Variants in FARP2 observed in about 807,000 individuals in gnomAD.
The protein encoded by FARP2 is FERM, ARHGEF and pleckstrin domain-containing protein 2.
In FARP2, 111 loss-of-function variants were observed where a neutral mutation model predicts 130.5. The observed-to-expected ratio is 0.85, with a 90% CI of 0.73 to 1.00. The LOEUF (loss-of-function observed/expected upper bound fraction) is 1.00, where lower values mean the gene tolerates loss of function less well. Ranked by LOEUF, FARP2 falls within the 50% of genes least tolerant of loss-of-function variation. The pLI, the probability that FARP2 is intolerant of heterozygous loss-of-function variation, is 0.00. For synonymous variants in FARP2, 504 were observed against 516.9 expected (o/e 0.98, Z 0.34); for missense variants, 1,385 against 1,346.3 (o/e 1.03, Z -0.45).
At chr2:241,479,044 A>G in intron 19 of FARP2, 2 of 544,320 alleles carry the variant, frequency 3.7e-6, no homozygotes, top group South Asian at 5.1e-5. Flanking sequence ...CCCAAGATGC[A>G]ATGAACTACC....
intron 2 of FARP2, among the ~76,000 whole-genome samples, chr2:241,373,717 A>G (rs2061475078): frequency 6.6e-6 from 1 of 152,202 alleles, no homozygotes; most frequent in South Asian, 2.1e-4. Flanking sequence ...CCTCTTTCTC[A>G]GAGCTGCTGG....
intron 1 of FARP2, among the ~76,000 whole-genome samples, chr2:241,358,622 T>C (rs760197221): frequency 6.6e-6 from 1 of 152,232 alleles, no homozygotes; most frequent in Non-Finnish European, 1.5e-5. Context: ...TCATATCAGC[T>C]TGCCAGCTTC....
intron 8 of FARP2, among the ~76,000 whole-genome samples, chr2:241,419,561 A>G (rs1210489908): frequency 6.6e-6 from 1 of 152,194 alleles, no homozygotes; most frequent in Admixed American, 6.5e-5. Flanking sequence ...AGAACAAAGA[A>G]TGGGAAAACA....
At position 241,419,511 on chromosome 2, in the gene FARP2, A is replaced by C. The variant is rs561063590; in HGVS notation, c.771+1402A>C. Among the ~76,000 whole-genome samples the C allele has an allele frequency of 2.6e-5, 4 of 152,366 alleles. No individual in the cohort carries two copies. In the East Asian group the frequency reaches 7.7e-4, roughly 29 times the overall value. On this transcript the variant is annotated intron_variant, in intron 8 of 26. Coordinates refer to ENST00000264042, the MANE Select transcript of FARP2 (RefSeq NM_014808.4). Reference sequence around the variant, plus strand: ...TTTATTCCCTCAAAACCCTGAACACAATGACAGTTGAAGGAATTTTTTAAA... The same window carrying C: ...TTTATTCCCTCAAAACCCTGAACACCATGACAGTTGAAGGAATTTTTTAAA...
intron 13 of FARP2, among the ~76,000 whole-genome samples, chr2:241,449,626 G>A (rs935803751): frequency 2.0e-5 from 3 of 152,136 alleles, no homozygotes; most frequent in African/African-American, 7.2e-5. Flanking sequence ...AATTAACATT[G>A]TGATTTTTAA....
At chr2:241,383,684 C>A (rs1161329552) in intron 2 of FARP2, among the ~76,000 whole-genome samples, 2 of 152,010 alleles carry the variant, frequency 1.3e-5, no homozygotes, top group Admixed American at 1.3e-4. Context: ...GTAGTGAGAA[C>A]CAGTTGCATC....
rs112731290 is a variant in FARP2 at position 241,459,847 on chromosome 2, G to A, written c.1588-2676G>A. On this transcript the variant is annotated intron_variant, in intron 14 of 26. Transcript: ENST00000264042. The surrounding 1 kb of genome is among the most constrained non-coding windows in gnomAD (Gnocchi z 5.3). The stretch of plus-strand genomic sequence containing the variant: ...GGCGGGGCGGGGGCAGGGGCGGGAC[G>A]GAAGACCCTTCTCTTGGCCAGTCTG... Among the ~76,000 whole-genome samples the A allele has an allele frequency of 3.3e-5, 5 of 151,952 alleles. No homozygotes were observed. Among genetic ancestry groups the A allele is most frequent in the Admixed American group, 6.6e-5 (1 of 15,262 alleles).
intron 7 of FARP2, among the ~76,000 whole-genome samples, chr2:241,416,994 A>G (rs1485999100): frequency 6.6e-6 from 1 of 151,734 alleles, no homozygotes; most frequent in Non-Finnish European, 1.5e-5. Flanking sequence ...ATAGTAAAAA[A>G]TATTTTTTAA....
chr2:241,392,879 G>A (rs976524249), intron 2 of FARP2, among the ~76,000 whole-genome samples: 2 of 150,974 alleles, frequency 1.3e-5, no homozygotes, highest in Non-Finnish European at 1.5e-5. Flanking sequence ...GGAGGCAGAA[G>A]TTGCAGTGAG....
chr2:241,391,701 G>A (rs1186063708), intron 2 of FARP2, among the ~76,000 whole-genome samples: 2 of 152,120 alleles, frequency 1.3e-5, no homozygotes, highest in African/African-American at 2.4e-5. Context: ...TCATCTGGTC[G>A]TGCAGAGCTT....
intron 8 of FARP2, among the ~76,000 whole-genome samples, chr2:241,419,779 A>C (rs549073481): frequency 6.6e-6 from 1 of 152,344 alleles, no homozygotes; most frequent in African/African-American, 2.4e-5. Context: ...TCAGAAATGT[A>C]AAATTTTATC....
intron 14 of FARP2, among the ~76,000 whole-genome samples, chr2:241,460,006 G>A (rs918537592): frequency 3.9e-5 from 6 of 152,130 alleles, no homozygotes; most frequent in East Asian, 1.9e-4. Context: ...TCCGGGACTC[G>A]AGCATCCTGT....
intron 8 of FARP2, 59 bp from the exon 9 acceptor site, chr2:241,431,620 C>A: frequency 1.2e-6 from 1 of 849,674 alleles, no homozygotes; most frequent in South Asian, 1.5e-5. Context: ...TTCCCTATTT[C>A]ATGAGAAAGG....
intron 4 of FARP2, among the ~76,000 whole-genome samples, chr2:241,407,087 C>T (rs529924738): frequency 5.9e-5 from 9 of 152,242 alleles, no homozygotes; most frequent in African/African-American, 1.4e-4. Context: ...GGATTACAGG[C>T]GTGAGCCACC....
chr2:241,400,513 G>A (rs2062140859), intron 2 of FARP2, among the ~76,000 whole-genome samples: 1 of 152,224 alleles, frequency 6.6e-6, no homozygotes, highest in Non-Finnish European at 1.5e-5. Flanking sequence ...CAACTGGTGT[G>A]TAATTAGGTA....
At chr2:241,406,882 A>G (rs995219906) in intron 4 of FARP2, among the ~76,000 whole-genome samples, 9 of 152,108 alleles carry the variant, frequency 5.9e-5, no homozygotes, top group East Asian at 3.9e-4. Flanking sequence ...ATCGCGGCTC[A>G]CTGCAATCCC....
intron 13 of FARP2, chr2:241,442,356 G>A: frequency 2.2e-6 from 1 of 456,652 alleles, no homozygotes; most frequent in Middle Eastern, 3.3e-4. Context: ...CGACGGCCGA[G>A]GACTCCAGCA....
chr2:241,467,027 G>T (rs1350748063), intron 17 of FARP2, among the ~76,000 whole-genome samples: 1 of 152,030 alleles, frequency 6.6e-6, no homozygotes, highest in Non-Finnish European at 1.5e-5. Context: ...GGCTGAGGCA[G>T]GTGGATCGCT....
chr2:241,379,145 C>G (rs140108444), intron 2 of FARP2, among the ~76,000 whole-genome samples: 2 of 152,244 alleles, frequency 1.3e-5, no homozygotes, highest in South Asian at 4.2e-4. Flanking sequence ...ACTGAGACCC[C>G]GTTCTAGAAA....
Sources: gnomAD v4.1 joint callset for allele counts (sites outside exome capture counted in the v4.1 genomes callset) on GRCh38, gnomAD v4.1.1 for gene constraint, Gnocchi (gnomAD v3.1) non-coding constraint, MANE v1.5 for transcripts, NCBI Gene and HGNC (gene_info 2026-07-23, HGNC 2026-07-21) for gene names.